Variants in STARD13 observed in about 807,000 individuals in gnomAD.
STARD13 encodes StAR related lipid transfer domain containing 13.
In STARD13, 62 loss-of-function variants were observed where a neutral mutation model predicts 106.4. The ratio of observed to expected loss-of-function variants is 0.58; its 90% CI spans 0.48 to 0.72. The LOEUF (loss-of-function observed/expected upper bound fraction) is 0.72. Among genes scored for constraint, STARD13 ranks in the 30% least tolerant of loss-of-function variants. STARD13 has a pLI of 0.00. For synonymous variants in STARD13, 565 were observed against 553.0 expected (o/e 1.02, Z -0.31); for missense variants, 1,387 against 1,424.0 (o/e 0.97, Z 0.42).
In STARD13 at chr13:33,311,942, ATTCT is replaced by A. The variant is rs557154631; in HGVS notation, c.124+38344_124+38347del. 1.5e-4 allele frequency among the ~76,000 whole-genome samples: 23 copies of A among 152,286 alleles called. No individual in the cohort carries two copies. In the South Asian group the frequency reaches 4.8e-3, roughly 32 times the overall value. On this transcript the variant is annotated intron_variant, in intron 1 of 5. Coordinates refer to the STARD13 transcript ENST00000567873. ...GGGGCAGAGAGGTAGGGAAAGTGTA[ATTCT>A]TTCATTTCCCAAAAAACACTTAATG...
At chr13:33,160,655 G>A (rs561086729) in intron 3 of STARD13, among the ~76,000 whole-genome samples, 14 of 152,198 alleles carry the variant, frequency 9.2e-5, no homozygotes, top group East Asian at 5.8e-4. Flanking sequence ...AAAAGAAGAC[G>A]TATGGATGGT....
At chr13:33,633,065 C>T in the STARD13 span, among the ~76,000 whole-genome samples, 1 of 152,062 alleles carries the variant, frequency 6.6e-6, no homozygotes, top group East Asian at 1.9e-4. Context: ...TTATTTAATT[C>T]CTACTAAGAG....
chr13:33,327,752 CT>C (rs2077792866), intron 1 of STARD13, among the ~76,000 whole-genome samples: 1 of 152,082 alleles, frequency 6.6e-6, no homozygotes, highest in African/African-American at 2.4e-5. Context: ...GAAATTTGTC[CT>C]TTCAAATACA....
At chr13:33,311,740 A>G (rs1893144669) in intron 1 of STARD13, among the ~76,000 whole-genome samples, 1 of 152,212 alleles carries the variant, frequency 6.6e-6, no homozygotes, top group African/African-American at 2.4e-5. Context: ...ACAGAGATGA[A>G]AGCACAAAGG....
chr13:33,245,224 A>AAT (rs1194521465), intron 1 of STARD13, among the ~76,000 whole-genome samples: 1 of 152,262 alleles, frequency 6.6e-6, no homozygotes, highest in Non-Finnish European at 1.5e-5. Flanking sequence ...TGAATAAAAT[A>AAT]ATTTATAAAC....
chr13:33,549,340 C>T, the STARD13 span, among the ~76,000 whole-genome samples: 3 of 152,172 alleles, frequency 2.0e-5, no homozygotes. Flanking sequence ...AATAAATATA[C>T]TCGGTCATTG....
At chr13:33,199,504 A>G (rs149845719) in intron 1 of STARD13, among the ~76,000 whole-genome samples, 1 of 152,358 alleles carries the variant, frequency 6.6e-6, no homozygotes, top group East Asian at 1.9e-4. Flanking sequence ...CCGAAAAGAA[A>G]CAGAAAGCTA....
At chr13:33,612,192 C>T in the STARD13 span, among the ~76,000 whole-genome samples, 2 of 152,258 alleles carry the variant, frequency 1.3e-5, no homozygotes, top group South Asian at 4.2e-4. Flanking sequence ...TATAGACAGC[C>T]CTCTTCTTCC....
chr13:33,482,784 A>G, the STARD13 span, among the ~76,000 whole-genome samples: 2 of 152,238 alleles, frequency 1.3e-5, no homozygotes, highest in Admixed American at 6.5e-5. Context: ...AGGCCAATAT[A>G]TAAAATGTAA....
chr13:33,617,305 C>T, the STARD13 span, among the ~76,000 whole-genome samples: 1 of 152,084 alleles, frequency 6.6e-6, no homozygotes, highest in African/African-American at 2.4e-5. Flanking sequence ...AGGTTTGGTT[C>T]CCTCCTCCCA....
At chr13:33,384,723 G>A in the STARD13 span, among the ~76,000 whole-genome samples, 1 of 152,110 alleles carries the variant, frequency 6.6e-6, no homozygotes, top group Non-Finnish European at 1.5e-5. Flanking sequence ...CAAACTCTTT[G>A]ATCTCTTCAT....
At chr13:33,593,967 C>T in the STARD13 span, among the ~76,000 whole-genome samples, 8 of 152,190 alleles carry the variant, frequency 5.3e-5, no homozygotes, top group South Asian at 4.1e-4. Flanking sequence ...AGTGCAGTGA[C>T]GCGATCTCGA....
the STARD13 span, among the ~76,000 whole-genome samples, chr13:33,530,282 G>A: frequency 5.9e-5 from 9 of 152,020 alleles, no homozygotes; most frequent in East Asian, 1.9e-4. Flanking sequence ...AGAACTCCCC[G>A]AGCCAAACCC....
intron 1 of STARD13, chr13:33,336,293 A>G (rs1484438799): frequency 3.3e-5 from 5 of 152,246 alleles, no homozygotes; most frequent in Non-Finnish European, 7.3e-5. Context: ...ACTCTTTGAT[A>G]AAGCTGCTTA....
At chr13:33,456,560 G>A in the STARD13 span, among the ~76,000 whole-genome samples, 1 of 152,200 alleles carries the variant, frequency 6.6e-6, no homozygotes, top group Non-Finnish European at 1.5e-5. Flanking sequence ...TTCTCCTCAG[G>A]CCTCTTTCCT....
At chr13:33,214,015 T>G (rs530370929) in intron 1 of STARD13, among the ~76,000 whole-genome samples, 69 of 152,306 alleles carry the variant, frequency 4.5e-4, no homozygotes, top group Admixed American at 2.4e-3. Flanking sequence ...TTTTGAAGAT[T>G]ACTTCACCTC....
In STARD13 at chr13:33,104,115, C is replaced by T. The variant is rs1366778681; in HGVS notation, c.*1478G>A. The T allele has an allele frequency of 6.6e-6, 1 of 152,036 alleles. No individual in the cohort carries two copies. Among genetic ancestry groups the T allele is most frequent in the Non-Finnish European group, 1.5e-5 (1 of 68,004 alleles). 9.4% of individuals were successfully genotyped at this position (152,036 alleles called of 1,614,324 possible). ...CACTCATTTGCTTTTCTTTTTTTCT[C>T]CAACACCAGTTGCTAAATCTTATCA... On this transcript the variant is annotated 3_prime_UTR_variant, in exon 14 of 14. Coordinates refer to ENST00000336934, the MANE Select transcript of STARD13 (RefSeq NM_178006.4).
chr13:33,155,522 C>G (rs1189544984), intron 3 of STARD13: 2 of 152,094 alleles, frequency 1.3e-5, no homozygotes, highest in Non-Finnish European at 2.9e-5. Flanking sequence ...AATATAAAGT[C>G]TCTCTCTTCC....
the STARD13 span, among the ~76,000 whole-genome samples, chr13:33,667,770 C>T: frequency 6.6e-6 from 1 of 152,238 alleles, no homozygotes; most frequent in Non-Finnish European, 1.5e-5. Context: ...GTTACAAAAA[C>T]ATCCCTTTCA....
Sources: allele counts gnomAD v4.1 joint callset (sites outside exome capture counted in the v4.1 genomes callset), GRCh38; gene constraint gnomAD v4.1.1; transcripts MANE v1.5; gene names NCBI Gene and HGNC (gene_info 2026-07-23, HGNC 2026-07-21).